ADARB1: variants seen among roughly 807,000 people sequenced by gnomAD.
The protein encoded by ADARB1 is double-stranded RNA-specific editase 1.
A neutral mutation model predicts 52.4 loss-of-function variants in ADARB1; 10 were observed. That is an observed-to-expected ratio of 0.19 (90% CI 0.12 to 0.32). The LOEUF (loss-of-function observed/expected upper bound fraction) is 0.32. Among genes scored for constraint, ADARB1 ranks in the 10% least tolerant of loss-of-function variants. The pLI is 1.00. For missense variants in ADARB1, 643 were observed against 922.3 expected, an observed-to-expected ratio of 0.70 and a Z score of 3.92; for synonymous variants, 349 against 371.1, an observed-to-expected ratio of 0.94 and a Z score of 0.68.
chr21:45,097,857 A>G (rs1601323540), intron 1 of ADARB1, among the ~76,000 whole-genome samples: 1 of 152,188 alleles, frequency 6.6e-6, no homozygotes, highest in East Asian at 1.9e-4. Context: ...CCTGAGCTCC[A>G]TGTGGTCCTC....
intron 2 of ADARB1, chr21:45,137,383 C>A (rs1203735662): frequency 3.9e-5 from 6 of 152,368 alleles, no homozygotes; most frequent in African/African-American, 1.4e-4. Context: ...TGACCCCCTT[C>A]TTAACCTACG....
chr21:45,104,409 G>A (rs2087159356), intron 1 of ADARB1, among the ~76,000 whole-genome samples: 1 of 152,128 alleles, frequency 6.6e-6, no homozygotes, highest in Non-Finnish European at 1.5e-5. Context: ...GGGGACTCCT[G>A]GGATAGAGTG....
intron 1 of ADARB1, among the ~76,000 whole-genome samples, chr21:45,102,062 T>G (rs1448402661): frequency 6.6e-6 from 1 of 152,162 alleles, no homozygotes; most frequent in Admixed American, 6.5e-5. Context: ...AGCTAACTTT[T>G]TTTATTTTTT....
intron 1 of ADARB1, among the ~76,000 whole-genome samples, chr21:45,113,651 G>T (rs374691857): frequency 2.4e-4 from 37 of 152,030 alleles, no homozygotes; most frequent in Non-Finnish European, 4.3e-4. Flanking sequence ...CTAGGAAGCT[G>T]CCCTGAGAGT....
intron 1 of ADARB1, among the ~76,000 whole-genome samples, chr21:45,082,911 C>A (rs938318576): frequency 6.6e-6 from 1 of 152,208 alleles, no homozygotes; most frequent in African/African-American, 2.4e-5. Context: ...TGCTCAGAGT[C>A]CCCCTGCGGC....
intron 2 of ADARB1, among the ~76,000 whole-genome samples, chr21:45,130,730 G>A (rs1035022966): frequency 2.0e-5 from 3 of 152,168 alleles, no homozygotes; most frequent in Admixed American, 6.5e-5. Flanking sequence ...GCCACAGGTC[G>A]CACTGCAGGG....
chr21:45,182,611 A>G lies in ADARB1; in HGVS notation c.1105A>G (p.Ile369Val), dbSNP rs2091969479. ...TGTDVKDAKV[I>V]SVSTGTKCIN... The stretch of plus-strand genomic sequence containing the variant: ...CACAGATGTTAAAGATGCCAAGGTG[A>G]TAAGTGTTTCTACAGGAACAAAATG... Residue 369 changes from isoleucine (I) to valine (V), a missense_variant, in exon 6 of 11, where the codon ATA becomes GTA. Ile to Val is a conservative substitution (Grantham distance 29). Transcript: ENST00000348831. The G allele has an allele frequency of 6.3e-7, 1 of 1,599,396 alleles. No individual in the cohort carries two copies. The highest frequency in any genetic ancestry group is 1.4e-5 in the African/African-American group (1 of 73,728).
intron 2 of ADARB1, among the ~76,000 whole-genome samples, chr21:45,138,796 G>A (rs1364439435): frequency 2.0e-5 from 3 of 152,274 alleles, no homozygotes; most frequent in African/African-American, 7.2e-5. Flanking sequence ...AGTGGCCCAT[G>A]TGCTCGTGGC....
At position 45,128,004 on chromosome 21, in the gene ADARB1, C is replaced by T. The variant is rs1216057039; in HGVS notation, c.-219-398C>T. ...GGGCAGAGCACGTGCAGGGATGGTG[C>T]GTCTCTGTATCTGGACTCACATTCA... On this transcript the variant is annotated intron_variant, in intron 1 of 10. Coordinates refer to ENST00000348831, the MANE Select transcript of ADARB1 (RefSeq NM_001112.4). The surrounding 1 kb of genome is among the most constrained non-coding windows in gnomAD (Gnocchi z 4.6). 6.6e-6 allele frequency among the ~76,000 whole-genome samples: 1 copy of T among 152,136 alleles called. No homozygotes were observed. The highest frequency in any genetic ancestry group is 1.5e-5 in the Non-Finnish European group (1 of 68,020).
intron 1 of ADARB1, among the ~76,000 whole-genome samples, chr21:45,080,073 G>A (rs1383835055): frequency 6.6e-6 from 1 of 152,178 alleles, no homozygotes; most frequent in East Asian, 1.9e-4. Flanking sequence ...GTGGGCTGGA[G>A]AGTTTCCTAT....
chr21:45,083,392 A>G (rs553198156), intron 1 of ADARB1, among the ~76,000 whole-genome samples: 1 of 152,142 alleles, frequency 6.6e-6, no homozygotes. Context: ...ACACTTTTCT[A>G]TGTAGAATAG....
intron 4 of ADARB1, chr21:45,177,382 A>AC (rs1436957953): frequency 6.6e-6 from 1 of 152,226 alleles, no homozygotes; most frequent in Non-Finnish European, 1.5e-5. Flanking sequence ...GTGGACAGCC[A>AC]CCCTTCCATT....
At chr21:45,116,718 C>T (rs980693996) in intron 1 of ADARB1, among the ~76,000 whole-genome samples, 1 of 152,124 alleles carries the variant, frequency 6.6e-6, no homozygotes, top group Non-Finnish European at 1.5e-5. Context: ...GGGAAAAGCC[C>T]CTTACAAAGC....
At chr21:45,180,970 C>T (rs1023853947) in intron 5 of ADARB1, among the ~76,000 whole-genome samples, 1 of 152,190 alleles carries the variant, frequency 6.6e-6, no homozygotes, top group African/African-American at 2.4e-5. Context: ...CTCCCCACAT[C>T]CCGCGAGTGA....
intron 2 of ADARB1, among the ~76,000 whole-genome samples, chr21:45,141,943 C>T (rs1326269998): frequency 1.3e-5 from 2 of 151,986 alleles, no homozygotes; most frequent in East Asian, 3.9e-4. Context: ...CCCAGGATCA[C>T]CTTAGCCATT....
At chr21:45,160,094 C>A (rs2090885773) in intron 2 of ADARB1, among the ~76,000 whole-genome samples, 1 of 152,234 alleles carries the variant, frequency 6.6e-6, no homozygotes, top group Non-Finnish European at 1.5e-5. Flanking sequence ...ACCTGGTTCT[C>A]TTTCAGGGAG....
At chr21:45,085,437 G>A (rs952042361) in intron 1 of ADARB1, among the ~76,000 whole-genome samples, 3 of 152,192 alleles carry the variant, frequency 2.0e-5, no homozygotes, top group Non-Finnish European at 4.4e-5. Flanking sequence ...TTTAAACAGA[G>A]GTTACAGTTT....
chr21:45,216,470 A>G (rs894947109), intron 9 of ADARB1, among the ~76,000 whole-genome samples: 2 of 152,018 alleles, frequency 1.3e-5, no homozygotes, highest in African/African-American at 2.4e-5. Context: ...ATTTTCACTT[A>G]TATTAAAATA....
chr21:45,121,361 T>C (rs2088173638), intron 1 of ADARB1, among the ~76,000 whole-genome samples: 1 of 152,216 alleles, frequency 6.6e-6, no homozygotes, highest in South Asian at 2.1e-4. Context: ...GTGGAAAGAC[T>C]GTTGTTAGGT....
Sources: gnomAD v4.1 joint callset for allele counts (sites outside exome capture counted in the v4.1 genomes callset) on GRCh38, gnomAD v4.1.1 for gene constraint, Gnocchi (gnomAD v3.1) non-coding constraint, MANE v1.5 for transcripts, NCBI Gene and HGNC (gene_info 2026-07-23, HGNC 2026-07-21) for gene names.